Variants in PLA2G4A observed in about 807,000 individuals in gnomAD.
PLA2G4A encodes the protein phospholipase A2 group IVA, also known as cytosolic phospholipase A2.
PLA2G4A carries 40 observed loss-of-function variants against 81.9 expected under a neutral mutation model. That is an observed-to-expected ratio of 0.49 (90% CI 0.38 to 0.64). The LOEUF is 0.64. Ranked by LOEUF, PLA2G4A falls within the 30% of genes least tolerant of loss-of-function variation. The probability of loss-of-function intolerance (pLI) is 0.00; values close to 1 mark genes in which losing one functional copy is unlikely to be tolerated. For missense variants in PLA2G4A, 715 were observed against 905.1 expected (o/e 0.79, Z 2.69); for synonymous variants, 302 against 296.9 (o/e 1.02, Z -0.18).
intron 12 of PLA2G4A, among the ~76,000 whole-genome samples, chr1:186,949,573 G>A (rs1241697165): frequency 6.6e-6 from 1 of 152,022 alleles, no homozygotes; most frequent in Admixed American, 6.6e-5. Flanking sequence ...GCCATGAAAT[G>A]AAACTAATAA....
Position 186,988,374 on chromosome 1 carries a change from C to T in PLA2G4A, c.2119-3C>T. 1 of 1,607,982 alleles carries T rather than the reference C, an allele frequency of 6.2e-7. No individual in the cohort carries two copies. The highest frequency in any genetic ancestry group is 8.5e-7 in the Non-Finnish European group (1 of 1,175,074). ...ATTATACAACTTCTGTCTCTATTTG[C>T]AGGTGATAAAAGAAGCCATGGTTGA... On this transcript the variant is annotated splice_polypyrimidine_tract_variant and splice_region_variant and intron_variant, in intron 17 of 17. Transcript: ENST00000367466.
At chr1:186,848,149 T>C (rs1652252519) in intron 1 of PLA2G4A, among the ~76,000 whole-genome samples, 1 of 152,028 alleles carries the variant, frequency 6.6e-6, no homozygotes, top group South Asian at 2.1e-4. Flanking sequence ...GATGCGTTTG[T>C]GCATGTCAGG....
intron 1 of PLA2G4A, among the ~76,000 whole-genome samples, chr1:186,840,337 G>C (rs1361340290): frequency 1.3e-5 from 2 of 152,046 alleles, no homozygotes; most frequent in Non-Finnish European, 2.9e-5. Context: ...AAAAGACTAG[G>C]TTTCTTGTTC....
At chr1:186,874,596 G>A (rs1269882657) in intron 3 of PLA2G4A, among the ~76,000 whole-genome samples, 1 of 151,984 alleles carries the variant, frequency 6.6e-6, no homozygotes. Context: ...CCCTTTATTA[G>A]ACACATAAAC....
intron 1 of PLA2G4A, among the ~76,000 whole-genome samples, chr1:186,835,121 T>C (rs1651733279): frequency 6.6e-6 from 1 of 152,196 alleles, no homozygotes; most frequent in African/African-American, 2.4e-5. Flanking sequence ...GGTCAGCACA[T>C]GGCTTCTGAA....
At chr1:186,895,300 G>T (rs909015342) in intron 5 of PLA2G4A, among the ~76,000 whole-genome samples, 7 of 152,166 alleles carry the variant, frequency 4.6e-5, no homozygotes, top group African/African-American at 1.7e-4. Flanking sequence ...TGAGCTTCTT[G>T]ACTAGTCCAT....
At chr1:186,963,642 T>C (rs985665292) in intron 14 of PLA2G4A, among the ~76,000 whole-genome samples, 5 of 152,224 alleles carry the variant, frequency 3.3e-5, no homozygotes, top group African/African-American at 1.2e-4. Context: ...CCGTATGAAT[T>C]GCCTCAGCCA....
chr1:186,861,427 C>T (rs1294913516), intron 2 of PLA2G4A, among the ~76,000 whole-genome samples: 1 of 152,150 alleles, frequency 6.6e-6, no homozygotes, highest in Non-Finnish European at 1.5e-5. Flanking sequence ...CACCTTTGCT[C>T]TCTGCCTTGG....
chr1:186,852,032 T>C (rs1652392189), intron 1 of PLA2G4A, among the ~76,000 whole-genome samples: 1 of 152,006 alleles, frequency 6.6e-6, no homozygotes, highest in Non-Finnish European at 1.5e-5. Context: ...CAAAATGCTT[T>C]AGTGTAACTG....
intron 17 of PLA2G4A, among the ~76,000 whole-genome samples, chr1:186,979,970 T>C (rs1657663883): frequency 8.7e-6 from 1 of 115,572 alleles, no homozygotes; most frequent in Non-Finnish European, 1.8e-5. Context: ...TTTTTTGAGA[T>C]GGAGTCTCGC....
chr1:186,914,051 G>C (rs1229869990), intron 7 of PLA2G4A, among the ~76,000 whole-genome samples: 2 of 151,934 alleles, frequency 1.3e-5, no homozygotes, highest in Non-Finnish European at 2.9e-5. Context: ...TAAAAAGAGA[G>C]GCTTCTCTTC....
chr1:186,864,175 C>A (rs1428771958), intron 2 of PLA2G4A, among the ~76,000 whole-genome samples: 1 of 152,104 alleles, frequency 6.6e-6, no homozygotes, highest in African/African-American at 2.4e-5. Context: ...TGTATATGTA[C>A]CACTTTTATT....
chr1:186,961,999 G>C (rs1656962342), intron 14 of PLA2G4A, among the ~76,000 whole-genome samples: 1 of 152,132 alleles, frequency 6.6e-6, no homozygotes, highest in Non-Finnish European at 1.5e-5. Flanking sequence ...CTTTCCTCCT[G>C]AGATGCAAAT....
At chr1:186,934,686 T>G (rs2102208862) in intron 8 of PLA2G4A, among the ~76,000 whole-genome samples, 1 of 151,980 alleles carries the variant, frequency 6.6e-6, no homozygotes, top group East Asian at 1.9e-4. Flanking sequence ...CACAGACCAC[T>G]TAATTTGCAA....
In PLA2G4A at chr1:186,927,005, C is replaced by G. The variant is rs543619639; in HGVS notation, c.559-5758C>G. The stretch of plus-strand genomic sequence containing the variant: ...TCAAATAGTTAAGGTTTTTTAAAGC[C>G]TAAGCGTTTATTCTCTTAAGTACTA... On this transcript the variant is annotated intron_variant, in intron 7 of 17. Transcript: ENST00000367466. 2.0e-5 allele frequency among the ~76,000 whole-genome samples: 3 copies of G among 152,182 alleles called. No individual in the cohort carries two copies. The South Asian group carries it at 6.2e-4, about 32-fold the overall frequency.
intron 10 of PLA2G4A, among the ~76,000 whole-genome samples, chr1:186,944,485 T>C (rs1202623184): frequency 6.6e-6 from 1 of 152,178 alleles, no homozygotes; most frequent in Non-Finnish European, 1.5e-5. Context: ...CTTGTATGAA[T>C]ACAGGAATTT....
At chr1:186,987,801 A>G (rs184469031) in intron 17 of PLA2G4A, among the ~76,000 whole-genome samples, 3 of 152,284 alleles carry the variant, frequency 2.0e-5, no homozygotes, top group Non-Finnish European at 4.4e-5. Flanking sequence ...TATATATTGG[A>G]TATATGTATG....
intron 5 of PLA2G4A, among the ~76,000 whole-genome samples, chr1:186,898,806 A>G (rs1204472214): frequency 6.6e-6 from 1 of 152,220 alleles, no homozygotes; most frequent in Non-Finnish European, 1.5e-5. Context: ...CTTTACCCCT[A>G]CAAACTTCAG....
chr1:186,959,268 C>A (rs1656863307), intron 14 of PLA2G4A, among the ~76,000 whole-genome samples: 1 of 151,988 alleles, frequency 6.6e-6, no homozygotes, highest in Non-Finnish European at 1.5e-5. Flanking sequence ...AGTTGTACAC[C>A]ACCTTGTCGA....
Sources: allele counts gnomAD v4.1 joint callset (sites outside exome capture counted in the v4.1 genomes callset), GRCh38; gene constraint gnomAD v4.1.1; transcripts MANE v1.5; gene names NCBI Gene and HGNC (gene_info 2026-07-23, HGNC 2026-07-21).